The following DNHD1 variants were observed in gnomAD, a reference collection of about 807,000 sequenced individuals.
DNHD1 encodes the protein dynein heavy chain domain-containing protein 1.
DNHD1 carries 383 observed loss-of-function variants against 458.1 expected under a neutral mutation model. That is an observed-to-expected ratio of 0.84 (90% CI 0.77 to 0.91). DNHD1 has a LOEUF of 0.91. Among genes scored for constraint, DNHD1 ranks in the 40% least tolerant of loss-of-function variants. The probability of loss-of-function intolerance (pLI) is 0.00; values close to 1 mark genes in which losing one functional copy is unlikely to be tolerated. For missense variants in DNHD1, 5,336 were observed against 5,866.1 expected, an observed-to-expected ratio of 0.91 and a Z score of 2.95; for synonymous variants, 2,203 against 2,376.9, an observed-to-expected ratio of 0.93 and a Z score of 2.13.
At position 6,567,150 on chromosome 11, in the gene DNHD1, T is replaced by C; in HGVS notation, c.11641T>C (p.Trp3881Arg). The change falls in exon 36 of 43, where the codon TGG (tryptophan) becomes CGG (arginine). Residue 3881 changes from tryptophan (W) to arginine (R), a missense_variant. By Grantham distance (101) the Trp-to-Arg change is moderately radical. This residue lies in a region of DNHD1 where 695 missense variants were observed against 804.2 expected (regional missense o/e 0.86). Transcript: ENST00000254579. ...LPLFCMSPEN[W>R]LAVTKQALDS... ...ACTTTTCTGTATGAGCCCAGAGAACTGGCTGGCAGTCACTAAGCAGGCTCT... is the reference window on the plus strand; with the variant it reads ...ACTTTTCTGTATGAGCCCAGAGAACCGGCTGGCAGTCACTAAGCAGGCTCT... 6.2e-7 allele frequency: 1 copy of C among 1,614,026 alleles called. No homozygotes were observed. Among genetic ancestry groups the C allele is most frequent in the Non-Finnish European group, 8.5e-7 (1 of 1,179,876 alleles).
chr11:6,570,375 G>A lies in DNHD1; in HGVS notation c.13084G>A (p.Ala4362Thr). The A allele has an allele frequency of 6.2e-7, 1 of 1,610,404 alleles. No individual in the cohort carries two copies. The highest frequency in any genetic ancestry group is 8.5e-7 in the Non-Finnish European group (1 of 1,178,564). Residue 4362 changes from alanine (A) to threonine (T), a missense_variant, in exon 41 of 43, where the codon GCC becomes ACC. Physicochemically the swap from Ala to Thr is moderately conservative, Grantham distance 58. Coordinates refer to ENST00000254579, the MANE Select transcript of DNHD1 (RefSeq NM_144666.3). Reference protein sequence around the residue: ...VQPHTPQSLLATLMPLPELRE... With the variant: ...VQPHTPQSLLTTLMPLPELRE... ...GCCACACACACCTCAGTCTTTGCTG[G>A]CCACGCTCATGCCCCTCCCAGGTAA...
Position 6,564,688 on chromosome 11 carries a change from A to G in DNHD1, c.10640A>G (p.Tyr3547Cys). Residue 3547 changes from tyrosine to cysteine, a missense_variant, in exon 32 of 43, where the codon TAC (tyrosine) becomes TGC (cysteine). Coordinates refer to ENST00000254579, the MANE Select transcript of DNHD1 (RefSeq NM_144666.3). ...AGLLLRSPTHYSSCRWPLLLD... is the reference protein window; with the variant it reads ...AGLLLRSPTHCSSCRWPLLLD... ...TTGCTTCTGCGAAGCCCCACACACT[A>G]CAGTAGTTGCCGTTGGCCTCTGCTG... The G allele has an allele frequency of 6.4e-7, 1 of 1,551,510 alleles. No individual in the cohort carries two copies. The highest frequency in any genetic ancestry group is 8.7e-7 in the Non-Finnish European group (1 of 1,146,906).
In DNHD1 at chr11:6,565,839, A is replaced by G. The variant is rs1386665592; in HGVS notation, c.10901A>G (p.Gln3634Arg). The part of the protein sequence containing the change: ...EERKNEQEKE[Q>R]EENEEKEEEK... ...AGAAAAAATGAGCAGGAGAAAGAGC[A>G]AGAGGAAAATGAAGAGAAAGAGGAG... is the stretch of plus-strand genomic sequence containing the variant. The change falls in exon 33 of 43, where the codon CAA becomes CGA. Residue 3634 changes from glutamine (Q) to arginine (R), a missense_variant. By Grantham distance (43) the Gln-to-Arg change is conservative. This residue lies in a region of DNHD1 where 695 missense variants were observed against 804.2 expected (regional missense o/e 0.86). Transcript: ENST00000254579. The G allele has an allele frequency of 6.4e-7, 1 of 1,551,738 alleles. No individual in the cohort carries two copies. Among genetic ancestry groups the G allele is most frequent in the Admixed American group, 2.0e-5 (1 of 51,014 alleles).
intron 19 of DNHD1, 143 bp from the exon 20 acceptor site, chr11:6,544,431 C>A: frequency 2.0e-6 from 2 of 1,014,898 alleles, no homozygotes; most frequent in Non-Finnish European, 1.4e-6. Flanking sequence ...TTTTCTCCCT[C>A]AAGCAAGTTC....
At chr11:6,567,931 A>G (rs1853746243) in intron 36 of DNHD1, 71 bp downstream of exon 36, 5 of 1,489,528 alleles carry the variant, frequency 3.4e-6, no homozygotes, top group South Asian at 2.8e-5. Flanking sequence ...ACCCCCTCCA[A>G]GCATTTTCAT....
intron 14 of DNHD1, among the ~76,000 whole-genome samples, chr11:6,536,461 T>G (rs1483920858): frequency 6.6e-6 from 1 of 152,070 alleles, no homozygotes; most frequent in Non-Finnish European, 1.5e-5. Context: ...TGCCCTTAAA[T>G]AGTTCAGAAA....
chr11:6,524,361 A>G (rs1339626468), intron 10 of DNHD1, among the ~76,000 whole-genome samples: 1 of 152,014 alleles, frequency 6.6e-6, no homozygotes, highest in Admixed American at 6.6e-5. Flanking sequence ...CCCTTTTTTC[A>G]TCTCTTCTCT....
At chr11:6,519,909 G>A (rs1852569781) in intron 8 of DNHD1, 55 bp downstream of exon 8, 1 of 1,612,980 alleles carries the variant, frequency 6.2e-7, no homozygotes, top group Admixed American at 1.7e-5. Context: ...GCCAGATGCT[G>A]AGGAATGTAT....
In DNHD1 at chr11:6,557,180, C is replaced by A. The variant is rs1853482026; in HGVS notation, c.7885C>A (p.Leu2629Met). ...HQEHLRRVSG[L>M]RGTCLTVMMA... ...GGAGCACTTGCGCCGGGTGTCAGGC[C>A]TGCGAGGCACTTGTCTGACCGTTAT... Residue 2629 changes from leucine to methionine, a missense_variant, in exon 25 of 43, where the codon CTG (leucine) becomes ATG (methionine). Transcript: ENST00000254579. The A allele has an allele frequency of 1.3e-6, 2 of 1,551,618 alleles. No individual in the cohort carries two copies. Among genetic ancestry groups the A allele is most frequent in the South Asian group, 1.2e-5 (1 of 84,070 alleles).
In DNHD1 at chr11:6,571,773, C is replaced by T. The variant is rs1853857773; in HGVS notation, c.14049C>T (p.Pro4683=). The T allele has an allele frequency of 1.9e-6, 3 of 1,613,884 alleles. No homozygotes were observed. The highest frequency in any genetic ancestry group is 1.7e-5 in the Admixed American group (1 of 60,010). The change falls in exon 43 of 43, where the codon CCC becomes CCT. Residue 4683 remains proline (P), a synonymous_variant. Coordinates refer to ENST00000254579, the MANE Select transcript of DNHD1 (RefSeq NM_144666.3). The surrounding 1 kb of genome is among the most constrained non-coding windows in gnomAD (Gnocchi z 5.0). ...CCAGCCAACCCAGCCCTCTGCCTCC[C>T]GTCAGCATCAGCACACAGGCCCCGG... ...SPSSQPSPLP[P]VSISTQAPGT...
Position 6,564,669 on chromosome 11 carries a change from C to T in DNHD1, c.10621C>T (p.Leu3541=). The change falls in exon 32 of 43, where the codon CTG becomes TTG. Residue 3541 remains leucine (L), a synonymous_variant. Transcript: ENST00000254579. ...AKSAHLAGLL[L]RSPTHYSSCR... is the part of the protein sequence containing the mutation. ...GTCGGCCCACCTGGCAGGCTTGCTT[C>T]TGCGAAGCCCCACACACTACAGTAG... 3.2e-6 allele frequency: 5 copies of T among 1,551,744 alleles called. No individual in the cohort carries two copies. The highest frequency in any genetic ancestry group is 4.4e-6 in the Non-Finnish European group (5 of 1,147,002).
chr11:6,565,136 A>C (rs1853671346), intron 32 of DNHD1, among the ~76,000 whole-genome samples: 1 of 152,192 alleles, frequency 6.6e-6, no homozygotes, highest in African/African-American at 2.4e-5. Context: ...GAGTATTGGA[A>C]GGAACATTTT....
chr11:6,519,764 G>A lies in DNHD1; in HGVS notation c.1557G>A (p.Lys519=), dbSNP rs1284984440. ...AGGCCTGGTGGCTGCAGCTGGGAAA[G>A]TTTGCCCGCCTGGTTGACTACATGA... ...QAEAWWLQLG[K]FARLVDYMIC... Residue 519 remains lysine, a synonymous_variant, in exon 8 of 43, where the codon AAG becomes AAA. Coordinates refer to ENST00000254579, the MANE Select transcript of DNHD1 (RefSeq NM_144666.3). 6.2e-7 allele frequency: 1 copy of A among 1,613,996 alleles called. No individual in the cohort carries two copies. Among genetic ancestry groups the A allele is most frequent in the Admixed American group, 1.7e-5 (1 of 60,022 alleles).
chr11:6,564,207 C>A, intron 31 of DNHD1, 83 bp downstream of exon 31: 2 of 1,469,190 alleles, frequency 1.4e-6, no homozygotes, highest in Non-Finnish European at 1.8e-6. Flanking sequence ...CACTGCCTCC[C>A]TCTGTCCCTC....
chr11:6,503,051 G>A (rs545149983), intron 4 of DNHD1, 125 bp downstream of exon 4: 94 of 1,043,308 alleles, frequency 9.0e-5, no homozygotes, highest in Non-Finnish European at 1.1e-4. Flanking sequence ...CTCCTCCTCT[G>A]ACTCTAGTGT....
chr11:6,540,736 A>T (rs1315670837), intron 18 of DNHD1, among the ~76,000 whole-genome samples: 1 of 152,214 alleles, frequency 6.6e-6, no homozygotes, highest in African/African-American at 2.4e-5. Context: ...AGAAGGGCAG[A>T]CCAGACAAAG....
Position 6,568,429 on chromosome 11 carries a change from A to G in DNHD1, c.12539-25A>G, listed in dbSNP as rs761393158. Reference sequence around the variant, plus strand: ...TGCCTGACCCTTTATCCAAGGACTGATCTCAGACCCTTGTCTGACTCTAGT... The same window carrying G: ...TGCCTGACCCTTTATCCAAGGACTGGTCTCAGACCCTTGTCTGACTCTAGT... On this transcript the variant is annotated intron_variant, in intron 37 of 42. Transcript: ENST00000254579. The G allele has an allele frequency of 1.3e-5, 21 of 1,611,704 alleles. No homozygotes were observed. The East Asian group carries it at 4.5e-4, about 34-fold the overall frequency.
At chr11:6,567,907 C>A in intron 36 of DNHD1, 47 bp downstream of exon 36, 24 of 1,532,608 alleles carry the variant, frequency 1.6e-5, no homozygotes, top group Non-Finnish European at 2.1e-5. Context: ...CTCCTGTGGG[C>A]TGGGGCATGG....
chr11:6,568,273 A>G, intron 37 of DNHD1, 31 bp downstream of exon 37: 3 of 1,536,212 alleles, frequency 2.0e-6, no homozygotes, highest in Non-Finnish European at 2.6e-6. Flanking sequence ...GGCTTCCAGG[A>G]TCCTATCCTA....
Sources: allele counts gnomAD v4.1 joint callset (sites outside exome capture counted in the v4.1 genomes callset), GRCh38; gene constraint gnomAD v4.1.1; regional missense constraint gnomAD v4.1.1; non-coding constraint Gnocchi (gnomAD v3.1); transcripts MANE v1.5; gene names NCBI Gene and HGNC (gene_info 2026-07-23, HGNC 2026-07-21).